CCDC32: variants seen among roughly 807,000 people sequenced by gnomAD.
The protein encoded by CCDC32 is coiled-coil domain containing 32, also known as coiled-coil domain-containing protein 32.
CCDC32 carries 9 observed loss-of-function variants against 20.1 expected under a neutral mutation model. The observed-to-expected ratio is 0.45, with a 90% CI of 0.27 to 0.78. The LOEUF is 0.78. CCDC32 is among the 30% of genes least tolerant of loss of function. The pLI, the probability that CCDC32 is intolerant of heterozygous loss-of-function variation, is 0.16. For synonymous variants in CCDC32, 63 were observed against 79.0 expected (o/e 0.80, Z 1.07); for missense variants, 204 against 215.5 (o/e 0.95, Z 0.33).
At chr15:40,530,988 G>A (rs977193525), downstream of CCDC32, among the ~76,000 whole-genome samples, 4 of 151,716 alleles carry the variant, frequency 2.6e-5, no homozygotes, top group Admixed American at 1.3e-4. Flanking sequence ...GGGTTTACAG[G>A]CATGGGCCAC....
downstream of CCDC32, chr15:40,537,169 A>C (rs1423401574): frequency 6.6e-6 from 1 of 152,354 alleles, no homozygotes; most frequent in Non-Finnish European, 1.5e-5. Flanking sequence ...AGGATGACCC[A>C]CCTTCCCCAA....
intron 1 of CCDC32, among the ~76,000 whole-genome samples, chr15:40,563,698 ACACACACAC>A (rs1890813610): frequency 6.6e-6 from 1 of 152,032 alleles, no homozygotes. Context: ...ACACACACAC[ACACACACAC>A]AAATCTGTAG....
chr15:40,564,684 C>T (rs1566987504), intron 1 of CCDC32: 2 of 1,593,948 alleles, frequency 1.3e-6, no homozygotes, highest in South Asian at 1.1e-5. Context: ...CACGGCGGTC[C>T]TGGGTGAACT....
intron 3 of CCDC32, among the ~76,000 whole-genome samples, chr15:40,545,820 C>T (rs955736322): frequency 2.6e-5 from 4 of 152,060 alleles, no homozygotes; most frequent in Non-Finnish European, 5.9e-5. Flanking sequence ...AGTGACCAAG[C>T]CTCAGTGGTT....
the CCDC32 span, among the ~76,000 whole-genome samples, chr15:40,523,207 A>G: frequency 6.6e-6 from 1 of 151,588 alleles, no homozygotes; most frequent in African/African-American, 2.4e-5. Context: ...ATCTGTTACA[A>G]GAAAAGGTGG....
At chr15:40,554,152 T>G in intron 3 of CCDC32, 25 bp from the exon 4 acceptor site, 1 of 1,602,116 alleles carries the variant, frequency 6.2e-7, no homozygotes, top group Non-Finnish European at 8.5e-7. Context: ...AATAAAAGGG[T>G]GGCTGTGTCA....
downstream of CCDC32, chr15:40,539,053 T>C: frequency 1.7e-6 from 1 of 600,420 alleles, no homozygotes; most frequent in Non-Finnish European, 2.9e-6. Flanking sequence ...CTTGGCTCTC[T>C]CGCCAGCTGT....
chr15:40,527,724 C>T (rs145549091), downstream of CCDC32, among the ~76,000 whole-genome samples: 205 of 152,308 alleles, frequency 1.3e-3, no homozygotes, highest in African/African-American at 4.8e-3. Flanking sequence ...CACATTAGCA[C>T]GTTCAGCCCC....
At chr15:40,544,943 T>C (rs1889552666) in intron 3 of CCDC32, among the ~76,000 whole-genome samples, 1 of 152,248 alleles carries the variant, frequency 6.6e-6, no homozygotes, top group South Asian at 2.1e-4. Context: ...GAATTGTTAT[T>C]CTTTTATTCA....
downstream of CCDC32, among the ~76,000 whole-genome samples, chr15:40,549,922 G>A (rs1046576270): frequency 6.6e-5 from 10 of 152,172 alleles, no homozygotes; most frequent in East Asian, 1.9e-4. Context: ...CAGGGCTTCC[G>A]TCTTCCAGCA....
chr15:40,527,740 C>T (rs540868776), downstream of CCDC32, among the ~76,000 whole-genome samples: 1 of 152,320 alleles, frequency 6.6e-6, no homozygotes, highest in East Asian at 1.9e-4. Context: ...GCCCCCTCAC[C>T]ATGTGGTGCT....
chr15:40,532,714 CT>C (rs1189285245), downstream of CCDC32, among the ~76,000 whole-genome samples: 94 of 91,462 alleles, frequency 1.0e-3, no homozygotes, highest in South Asian at 2.9e-3. Context: ...TGTTTTCTTT[CT>C]TTTTTTTTTT....
chr15:40,553,975 T>C lies in CCDC32; in HGVS notation c.554A>G (p.Gln185Arg), dbSNP rs1890059644. ...AAGDKPAAAE[Q>R] ...GTGTGTGTGTGTGTGTGTAATTTAC[T>C]GTTCTGCTGCTGCTGGCTTGTCCCC... Residue 185 changes from glutamine (Q) to arginine (R), a missense_variant, in exon 4 of 4, where the codon CAG becomes CGG. Transcript: ENST00000416810. 2 of 1,603,760 alleles carry C rather than the reference T, an allele frequency of 1.2e-6. No homozygotes were observed. The highest frequency in any genetic ancestry group is 1.4e-5 in the African/African-American group (1 of 73,482).
intron 1 of CCDC32, 92 bp downstream of exon 1, chr15:40,564,884 G>C (rs1890917959): frequency 4.1e-6 from 6 of 1,455,510 alleles, no homozygotes; most frequent in Non-Finnish European, 4.8e-6. Context: ...TGGACGGGAT[G>C]AATCAGGTCC....
chr15:40,538,530 A>C (rs986897651), downstream of CCDC32: 2 of 152,200 alleles, frequency 1.3e-5, no homozygotes, highest in Non-Finnish European at 1.5e-5. Flanking sequence ...CACTGGTTCG[A>C]ATTAGCGGGA....
rs1595898182 is a variant in CCDC32 at position 40,565,028 on chromosome 15, A to G, written c.-65T>C. On this transcript the variant is annotated 5_prime_UTR_variant, in exon 1 of 4. Coordinates refer to ENST00000416810, the MANE Select transcript of CCDC32 (RefSeq NM_001080792.4). ...CTCAGCTCTGTCGCCTGTAGCCCGGAGGAAATCGGGAGGGGCGGAGTCCCC... is the reference window on the plus strand; with the variant it reads ...CTCAGCTCTGTCGCCTGTAGCCCGGGGGAAATCGGGAGGGGCGGAGTCCCC... 1.8e-6 allele frequency: 1 copy of G among 560,556 alleles called. No homozygotes were observed. The highest frequency in any genetic ancestry group is 2.8e-5 in the East Asian group (1 of 35,302). The allele number at this position is 560,556 out of a possible 1,614,324, so 34.7% of individuals were successfully genotyped here.
downstream of CCDC32, among the ~76,000 whole-genome samples, chr15:40,524,918 A>T (rs1894882083): frequency 6.6e-6 from 1 of 151,186 alleles, no homozygotes; most frequent in Non-Finnish European, 1.5e-5. Flanking sequence ...GTAGAGGCAG[A>T]GTCTCGCTAT....
downstream of CCDC32, chr15:40,538,290 A>G (rs1295244172): frequency 1.3e-5 from 2 of 152,174 alleles, no homozygotes; most frequent in East Asian, 1.9e-4. Context: ...CTTGTTTTCC[A>G]TAGCAGTGTG....
Position 40,553,398 on chromosome 15 carries a change from A to G in CCDC32, c.*573T>C, listed in dbSNP as rs6582. ...TGTTCCACAAGGAACAAATGAGAGA[A>G]AGAAGCCCAGCCTCTCTCCCTGGAG... On this transcript the variant is annotated 3_prime_UTR_variant, in exon 4 of 4. Transcript: ENST00000416810. 589,261 of 984,844 alleles carry G rather than the reference A, an allele frequency of 0.6. 177,159 individuals are homozygous for G. Among genetic ancestry groups the G allele is most frequent in the East Asian group, 0.74 (6,497 of 8,760 alleles). The allele number at this position is 984,844 out of a possible 1,614,324, so 61.0% of individuals were successfully genotyped here. A position where few individuals can be genotyped will look rare whatever the true frequency, so the allele number is the denominator to read the frequency against.
Sources: allele counts gnomAD v4.1 joint callset (sites outside exome capture counted in the v4.1 genomes callset), GRCh38; gene constraint gnomAD v4.1.1; transcripts MANE v1.5; gene names NCBI Gene and HGNC (gene_info 2026-07-23, HGNC 2026-07-21).